Variants in STK32B observed in about 807,000 individuals in gnomAD.
The protein encoded by STK32B is serine/threonine kinase 32B.
STK32B carries 43 observed loss-of-function variants against 52.6 expected under a neutral mutation model. The ratio of observed to expected loss-of-function variants is 0.82; its 90% CI spans 0.64 to 1.05. The LOEUF is 1.05. Among genes scored for constraint, STK32B ranks in the 50% least tolerant of loss-of-function variants. The pLI, the probability that STK32B is intolerant of heterozygous loss-of-function variation, is 0.00. For missense variants in STK32B, 621 were observed against 534.6 expected, an observed-to-expected ratio of 1.16 and a Z score of -1.59; for synonymous variants, 238 against 204.3, an observed-to-expected ratio of 1.17 and a Z score of -1.41.
At chr4:5,190,365 G>A (rs1338928841) in intron 3 of STK32B, among the ~76,000 whole-genome samples, 1 of 152,174 alleles carries the variant, frequency 6.6e-6, no homozygotes, top group Non-Finnish European at 1.5e-5. Flanking sequence ...CTGTTAGGCT[G>A]GAACTTTGCT....
chr4:5,405,196 G>A (rs901868540), intron 5 of STK32B, among the ~76,000 whole-genome samples: 4 of 151,790 alleles, frequency 2.6e-5, no homozygotes, highest in African/African-American at 9.7e-5. Context: ...TTCCTAGCAC[G>A]GGACCCAGAT....
intron 3 of STK32B, among the ~76,000 whole-genome samples, chr4:5,245,748 G>A (rs1725401081): frequency 6.6e-6 from 1 of 152,176 alleles, no homozygotes; most frequent in Non-Finnish European, 1.5e-5. Flanking sequence ...TCCTTCAGGA[G>A]CTCTTTTAGG....
At chr4:5,202,354 C>A (rs1364399813) in intron 3 of STK32B, among the ~76,000 whole-genome samples, 2 of 152,220 alleles carry the variant, frequency 1.3e-5, no homozygotes, top group Non-Finnish European at 2.9e-5. Context: ...GGGTGTAGTC[C>A]CCATGTGACC....
At chr4:5,183,492 AT>A (rs1222620773) in intron 3 of STK32B, among the ~76,000 whole-genome samples, 2 of 151,556 alleles carry the variant, frequency 1.3e-5, no homozygotes, top group Non-Finnish European at 2.9e-5. Flanking sequence ...AAAAAAAAAA[AT>A]TAAATTAAAA....
At chr4:5,336,832 A>G (rs1008688306) in intron 4 of STK32B, among the ~76,000 whole-genome samples, 2 of 152,218 alleles carry the variant, frequency 1.3e-5, no homozygotes, top group African/African-American at 4.8e-5. Flanking sequence ...ATGATTTTCT[A>G]TATTGAGAGA....
rs1216986281 is a variant in STK32B, at chr4:5,240,135, GC to G, written c.260+71687del. On this transcript the variant is annotated intron_variant, in intron 3 of 11. Transcript: ENST00000282908. ...GGTTTGACATGTTTGACTTCCATGT[GC>G]CTAAATATGATTTCTTTGTATTTAT... Among the ~76,000 whole-genome samples the G allele has an allele frequency of 1.2e-4, 18 of 149,246 alleles. No individual in the cohort carries two copies. In the East Asian group the frequency reaches 3.6e-3, roughly 30 times the overall value.
chr4:5,316,181 A>G (rs1248561921), intron 3 of STK32B, among the ~76,000 whole-genome samples: 5 of 91,652 alleles, frequency 5.5e-5, no homozygotes, highest in African/African-American at 2.0e-4. Context: ...ATATATAACT[A>G]AATATATATA....
intron 1 of STK32B, among the ~76,000 whole-genome samples, chr4:5,109,432 T>C (rs1027832860): frequency 4.6e-5 from 7 of 152,130 alleles, no homozygotes; most frequent in Admixed American, 2.6e-4. Context: ...AAATATGATA[T>C]GTACTAGGAA....
At chr4:5,323,657 C>T (rs981052029) in intron 3 of STK32B, among the ~76,000 whole-genome samples, 3 of 152,232 alleles carry the variant, frequency 2.0e-5, no homozygotes, top group Admixed American at 1.3e-4. Context: ...TCTGTGTAGA[C>T]ATCATTGACT....
At chr4:5,271,119 G>A (rs901326444) in intron 3 of STK32B, among the ~76,000 whole-genome samples, 6 of 152,108 alleles carry the variant, frequency 3.9e-5, no homozygotes, top group Admixed American at 3.3e-4. Context: ...TGTATTTCTA[G>A]TAGAGATGGG....
chr4:5,350,416 A>C (rs535861435), intron 4 of STK32B, among the ~76,000 whole-genome samples: 39 of 152,220 alleles, frequency 2.6e-4, no homozygotes, highest in Non-Finnish European at 4.3e-4. Flanking sequence ...GCTTGAGGGA[A>C]CCCTACCCCT....
intron 1 of STK32B, among the ~76,000 whole-genome samples, chr4:5,074,209 T>C (rs75963607): frequency 0.034 from 4,874 of 144,302 alleles, 297 homozygotes; most frequent in African/African-American, 0.12. Context: ...TGTGTGTGTG[T>C]GCGCGTGCGT....
rs373936634 is a variant in STK32B at position 5,252,843 on chromosome 4, T to C, written c.261-78377T>C. Among the ~76,000 whole-genome samples, 5 of 152,314 alleles carry C rather than the reference T, an allele frequency of 3.3e-5. No homozygotes were observed. In the East Asian group the frequency reaches 5.8e-4, roughly 18 times the overall value. Reference sequence around the variant, plus strand: ...CATGAAGGTTACATGCAGTGATTAATAAAGTGCCTGGTGTGTTGCCTGCCA... The same window carrying C: ...CATGAAGGTTACATGCAGTGATTAACAAAGTGCCTGGTGTGTTGCCTGCCA... On this transcript the variant is annotated intron_variant, in intron 3 of 11. Transcript: ENST00000282908.
In STK32B at chr4:5,400,257, G is replaced by C. The variant is rs1577446996; in HGVS notation, c.472+2013G>C. 6.6e-6 allele frequency among the ~76,000 whole-genome samples: 1 copy of C among 152,270 alleles called. No homozygotes were observed. Among genetic ancestry groups the C allele is most frequent in the South Asian group, 2.1e-4 (1 of 4,814 alleles). On this transcript the variant is annotated intron_variant, in intron 5 of 11. Transcript: ENST00000282908. The surrounding 1 kb of genome is among the most constrained non-coding windows in gnomAD (Gnocchi z 6.1). The stretch of plus-strand genomic sequence containing the variant: ...GCTGCTCCCAGGCAGCCTCCCCTAG[G>C]TTTTCTCTTTCCTGCCTTTTGGATT...
intron 4 of STK32B, among the ~76,000 whole-genome samples, chr4:5,389,351 A>G (rs942464409): frequency 6.6e-6 from 1 of 152,210 alleles, no homozygotes; most frequent in African/African-American, 2.4e-5. Context: ...AACAACAGAA[A>G]TTAATCATCT....
chr4:5,427,689 A>G (rs1490570501), intron 6 of STK32B, among the ~76,000 whole-genome samples: 1 of 152,150 alleles, frequency 6.6e-6, no homozygotes, highest in Non-Finnish European at 1.5e-5. Flanking sequence ...TAGGGCATAC[A>G]GTTATGTGTA....
chr4:5,336,498 A>G (rs1732706089), intron 4 of STK32B, among the ~76,000 whole-genome samples: 1 of 152,186 alleles, frequency 6.6e-6, no homozygotes, highest in Non-Finnish European at 1.5e-5. Context: ...CAAAATAACT[A>G]TGATCAGTAT....
chr4:5,237,842 G>C (rs1196670648), intron 3 of STK32B, among the ~76,000 whole-genome samples: 1 of 152,156 alleles, frequency 6.6e-6, no homozygotes, highest in Non-Finnish European at 1.5e-5. Context: ...TGAGTTTTCT[G>C]GTGAAGGACC....
rs530302184 is a variant in STK32B at position 5,500,883 on chromosome 4, C to G, written c.*1800C>G. 1 of 152,268 alleles carries G rather than the reference C, an allele frequency of 6.6e-6. No homozygotes were observed. Among genetic ancestry groups the G allele is most frequent in the South Asian group, 2.1e-4 (1 of 4,832 alleles). 9.4% of individuals were successfully genotyped at this position (152,268 alleles called of 1,614,324 possible). A position where few individuals can be genotyped will look rare whatever the true frequency, so the allele number is the denominator to read the frequency against. On this transcript the variant is annotated 3_prime_UTR_variant, in exon 12 of 12. Transcript: ENST00000282908. ...GATGATGATGGTTTTTTTTATTGGG[C>G]TGAGTTCACGAATTAGGGGCAGGAG...
Sources: allele counts gnomAD v4.1 joint callset (sites outside exome capture counted in the v4.1 genomes callset), GRCh38; gene constraint gnomAD v4.1.1; non-coding constraint Gnocchi (gnomAD v3.1); transcripts MANE v1.5; gene names NCBI Gene and HGNC (gene_info 2026-07-23, HGNC 2026-07-21).